Variants in LARGE1 observed in about 807,000 individuals in gnomAD.
LARGE1 encodes the protein xylosyl- and glucuronyltransferase LARGE1.
Under a neutral mutation model 87.6 loss-of-function variants are expected in LARGE1, and 43 were observed. The observed-to-expected ratio is 0.49, with a 90% CI of 0.38 to 0.63. LARGE1 has a LOEUF of 0.63. LARGE1 is among the 30% of genes least tolerant of loss of function. The probability of loss-of-function intolerance (pLI) is 0.00; values close to 1 mark genes in which losing one functional copy is unlikely to be tolerated. For synonymous variants in LARGE1, 434 were observed against 394.6 expected, an observed-to-expected ratio of 1.10 and a Z score of -1.18; for missense variants, 802 against 1,000.2, an observed-to-expected ratio of 0.80 and a Z score of 2.67.
intron 5 of LARGE1, among the ~76,000 whole-genome samples, chr22:33,594,987 C>T (rs376342484): frequency 7.9e-5 from 12 of 152,230 alleles, no homozygotes; most frequent in East Asian, 1.9e-4. Flanking sequence ...CTCACAAGAA[C>T]GAGATTCTGG....
At chr22:33,402,020 C>T (rs2283898) in intron 7 of LARGE1, among the ~76,000 whole-genome samples, 48,147 of 152,040 alleles carry the variant, frequency 0.32, 8,478 homozygotes, top group African/African-American at 0.47. Flanking sequence ...CTTCCAAGGG[C>T]AGATGTCTTC....
chr22:33,285,177 C>G (rs1376190539), intron 12 of LARGE1, among the ~76,000 whole-genome samples: 1 of 152,146 alleles, frequency 6.6e-6, no homozygotes, highest in Non-Finnish European at 1.5e-5. Context: ...TTCATTCTGG[C>G]TCCTGCTTGG....
Position 33,780,589 on chromosome 22 carries a change from T to TG in LARGE1, c.-82-19032dup, listed in dbSNP as rs2085387980. On this transcript the variant is annotated intron_variant, in intron 1 of 14. Coordinates refer to ENST00000397394, the MANE Select transcript of LARGE1 (RefSeq NM_133642.5). ...AGTCAGCAACTGACTATGACCCTGA[T>TG]GAACACAGCCTCTCTGAATTTCAGC... Among the ~76,000 whole-genome samples, 3 of 152,216 alleles carry TG rather than the reference T, an allele frequency of 2.0e-5. No homozygotes were observed. The South Asian group carries it at 6.2e-4, about 31-fold the overall frequency.
intron 11 of LARGE1, among the ~76,000 whole-genome samples, chr22:33,179,910 G>T (rs1923075759): frequency 6.6e-6 from 1 of 151,762 alleles, no homozygotes; most frequent in African/African-American, 2.4e-5. Flanking sequence ...AAGAGGTGGG[G>T]CCTTTAAGAA....
the LARGE1 span, among the ~76,000 whole-genome samples, chr22:33,103,931 T>C: frequency 1.3e-5 from 2 of 152,210 alleles, no homozygotes; most frequent in African/African-American, 4.8e-5. Flanking sequence ...ACTTCTCTCT[T>C]GTCTGCCACC....
At chr22:33,583,038 A>G (rs1298793660) in intron 5 of LARGE1, among the ~76,000 whole-genome samples, 1 of 152,206 alleles carries the variant, frequency 6.6e-6, no homozygotes, top group African/African-American at 2.4e-5. Context: ...GGACAGTTCC[A>G]GTCACATATA....
chr22:33,807,553 A>G (rs1331141279), intron 1 of LARGE1, among the ~76,000 whole-genome samples: 2 of 152,312 alleles, frequency 1.3e-5, no homozygotes, highest in African/African-American at 2.4e-5. Context: ...CACTGTTTAC[A>G]TGACAGTTCA....
intron 10 of LARGE1, among the ~76,000 whole-genome samples, chr22:33,333,833 CAG>C (rs1217389003): frequency 6.6e-6 from 1 of 152,048 alleles, no homozygotes; most frequent in Non-Finnish European, 1.5e-5. Context: ...AAAAAGAAAA[CAG>C]GGGCTGGGTG....
At chr22:33,631,404 A>G (rs2080107337) in intron 3 of LARGE1, among the ~76,000 whole-genome samples, 3 of 152,190 alleles carry the variant, frequency 2.0e-5, no homozygotes, top group Admixed American at 2.0e-4. Context: ...GTATGAAAAT[A>G]CTTTATATTC....
At chr22:33,804,914 G>T (rs909791504) in intron 1 of LARGE1, among the ~76,000 whole-genome samples, 1 of 152,220 alleles carries the variant, frequency 6.6e-6, no homozygotes, top group African/African-American at 2.4e-5. Flanking sequence ...CCCTAACCTT[G>T]TTCCAGAACT....
At chr22:33,860,752 G>A (rs151259312) in intron 1 of LARGE1, among the ~76,000 whole-genome samples, 74 of 152,284 alleles carry the variant, frequency 4.9e-4, no homozygotes, top group Middle Eastern at 3.4e-3. Flanking sequence ...AGACCAACAC[G>A]TGCAAACTAC....
intron 6 of LARGE1, among the ~76,000 whole-genome samples, chr22:33,508,700 A>C (rs5998975): frequency 0.017 from 2,555 of 152,294 alleles, 60 homozygotes; most frequent in African/African-American, 0.049. Context: ...TGGCAACTTT[A>C]ATATATACCC....
chr22:33,686,575 A>G (rs1569371052), intron 2 of LARGE1, among the ~76,000 whole-genome samples: 1 of 398 alleles, frequency 2.5e-3, no homozygotes, highest in African/African-American at 0.012. Context: ...AACAAAAATG[A>G]TATGAATAAC....
intron 3 of LARGE1, among the ~76,000 whole-genome samples, chr22:33,643,183 C>A (rs1200406754): frequency 6.6e-6 from 1 of 152,060 alleles, no homozygotes; most frequent in Non-Finnish European, 1.5e-5. Context: ...GAACAGAAAT[C>A]ATAACAAACA....
intron 1 of LARGE1, among the ~76,000 whole-genome samples, chr22:33,829,662 A>G (rs2062908784): frequency 6.6e-6 from 1 of 152,166 alleles, no homozygotes; most frequent in Non-Finnish European, 1.5e-5. Flanking sequence ...CATGGGGACT[A>G]CTAAAACCCC....
intron 11 of LARGE1, among the ~76,000 whole-genome samples, chr22:33,185,412 T>A (rs1485251220): frequency 4.6e-5 from 7 of 152,098 alleles, no homozygotes; most frequent in African/African-American, 1.7e-4. Flanking sequence ...ATAAGAGGGA[T>A]GAATTGGTGA....
intron 6 of LARGE1, among the ~76,000 whole-genome samples, chr22:33,519,307 G>A (rs929069377): frequency 6.6e-6 from 1 of 152,018 alleles, no homozygotes; most frequent in Admixed American, 6.5e-5. Flanking sequence ...ACCCAGGGGG[G>A]CTCCCTGGGG....
intron 11 of LARGE1, among the ~76,000 whole-genome samples, chr22:33,174,872 T>G (rs1323829846): frequency 6.7e-6 from 1 of 149,868 alleles, no homozygotes; most frequent in African/African-American, 2.4e-5. Flanking sequence ...CCAAAAAATG[T>G]CCGGATTCAC....
At chr22:33,367,593 T>G (rs1026920965) in intron 9 of LARGE1, among the ~76,000 whole-genome samples, 2 of 151,824 alleles carry the variant, frequency 1.3e-5, no homozygotes, top group Non-Finnish European at 2.9e-5. Context: ...ATCCCCCCAT[T>G]TATTTATTTT....
Sources: gnomAD v4.1 joint callset for allele counts (sites outside exome capture counted in the v4.1 genomes callset) on GRCh38, gnomAD v4.1.1 for gene constraint, MANE v1.5 for transcripts, NCBI Gene and HGNC (gene_info 2026-07-23, HGNC 2026-07-21) for gene names.